The following ATXN8OS variants were observed in gnomAD, a reference collection of about 807,000 sequenced individuals.
ATXN8OS encodes the protein ATXN8 opposite strand lncRNA, also known as ATXN8 opposite strand (non-protein coding).
chr13:70,139,465 G>C, intron 3 of ATXN8OS: 1 of 670,804 alleles, frequency 1.5e-6, no homozygotes. Context: ...TTTACTATTT[G>C]ATGTTATAAT....
chr13:70,130,832 A>G, intron 3 of ATXN8OS: 1 of 398,602 alleles, frequency 2.5e-6, no homozygotes, highest in Non-Finnish European at 4.4e-6. Context: ...GGGAGAATGA[A>G]GAACAACTTG....
At chr13:70,128,198 C>G (rs1199627150) in intron 2 of ATXN8OS, among the ~76,000 whole-genome samples, 1 of 152,112 alleles carries the variant, frequency 6.6e-6, no homozygotes, top group Non-Finnish European at 1.5e-5. Context: ...AAAGTTGTTT[C>G]TTACATTACA....
intron 2 of ATXN8OS, among the ~76,000 whole-genome samples, chr13:70,122,800 T>C (rs1331623807): frequency 6.6e-6 from 1 of 151,944 alleles, no homozygotes; most frequent in African/African-American, 2.4e-5. Flanking sequence ...CATTTGATCT[T>C]GGTTAAATGA....
chr13:70,141,633 C>T (rs898772775), intron 3 of ATXN8OS, among the ~76,000 whole-genome samples: 5 of 151,640 alleles, frequency 3.3e-5, no homozygotes, highest in Non-Finnish European at 7.4e-5. Flanking sequence ...TATATATAAC[C>T]ATTTCACTCT....
rs961328742 is a variant in ATXN8OS, at chr13:70,155,372, C to A, written n.573+7944C>A. Among the ~76,000 whole-genome samples, 5 of 152,200 alleles carry A rather than the reference C, an allele frequency of 3.3e-5. No homozygotes were observed. In the South Asian group the frequency reaches 8.3e-4, roughly 25 times the overall value. ...ATAACCATAGATAGATTGCCCAATT[C>A]TCAATTTGGTCCATAAGAAACATAC... On this transcript the variant is annotated intron_variant and non_coding_transcript_variant, in intron 4 of 4. Coordinates refer to ENST00000678624, the Ensembl canonical transcript of ATXN8OS.
At chr13:70,115,517 C>T (rs186385321) in intron 2 of ATXN8OS, among the ~76,000 whole-genome samples, 51 of 151,534 alleles carry the variant, frequency 3.4e-4, no homozygotes, top group Non-Finnish European at 6.0e-4. Context: ...GGCTATATCT[C>T]TATAGAAACA....
At chr13:70,146,528 C>T (rs140551779) in intron 3 of ATXN8OS, among the ~76,000 whole-genome samples, 13,102 of 151,954 alleles carry the variant, frequency 0.086, 614 homozygotes, top group East Asian at 0.18. Flanking sequence ...TGTCCAACAA[C>T]GATAGACTGG....
intron 2 of ATXN8OS, among the ~76,000 whole-genome samples, chr13:70,118,456 A>AT (rs992868049): frequency 3.3e-5 from 5 of 151,970 alleles, no homozygotes; most frequent in Admixed American, 1.3e-4. Flanking sequence ...TCATTGTGGG[A>AT]TTTTTTGTAG....
At chr13:70,115,431 A>G in intron 2 of ATXN8OS, 1 of 395,122 alleles carries the variant, frequency 2.5e-6, no homozygotes, top group South Asian at 1.4e-4. Context: ...ATGTGAAGAA[A>G]TAAGTTCAGA....
chr13:70,169,177 G>A (rs1269503965), intron 4 of ATXN8OS, among the ~76,000 whole-genome samples: 1 of 152,098 alleles, frequency 6.6e-6, no homozygotes, highest in African/African-American at 2.4e-5. Flanking sequence ...AAAATCAACA[G>A]TTTTTGTACA....
At chr13:70,108,415 A>G in intron 1 of ATXN8OS, 1 of 157,234 alleles carries the variant, frequency 6.4e-6, no homozygotes, top group Non-Finnish European at 1.4e-5. Flanking sequence ...GGCAAAAGAA[A>G]AAGCCCGCCT....
intron 4 of ATXN8OS, among the ~76,000 whole-genome samples, chr13:70,163,321 C>A (rs1889032771): frequency 6.6e-6 from 1 of 152,008 alleles, no homozygotes; most frequent in South Asian, 2.1e-4. Flanking sequence ...AGATTCTAAC[C>A]ACATTGGCTG....
At chr13:70,132,915 A>T (rs1294830932) in intron 3 of ATXN8OS, among the ~76,000 whole-genome samples, 1 of 152,134 alleles carries the variant, frequency 6.6e-6, no homozygotes, top group African/African-American at 2.4e-5. Flanking sequence ...ATCTTTCCTA[A>T]ATGTGACTCT....
At chr13:70,131,308 C>T (rs1436485344) in intron 3 of ATXN8OS, 2 of 398,352 alleles carry the variant, frequency 5.0e-6, no homozygotes, top group African/African-American at 2.1e-5. Context: ...TAAAATGCTA[C>T]AGATGTCCCC....
At chr13:70,170,259 A>G (rs1889129749) in exon 5 of ATXN8OS, among the ~76,000 whole-genome samples, 1 of 152,120 alleles carries the variant, frequency 6.6e-6, no homozygotes. Context: ...TGAATTCGTA[A>G]CATATGAATG....
intron 4 of ATXN8OS, among the ~76,000 whole-genome samples, chr13:70,166,325 C>A (rs945250891): frequency 6.6e-6 from 1 of 151,944 alleles, no homozygotes; most frequent in Non-Finnish European, 1.5e-5. Context: ...GAGATATAGA[C>A]CAATGGAACA....
chr13:70,143,332 A>G (rs999172835), intron 3 of ATXN8OS, among the ~76,000 whole-genome samples: 1 of 152,000 alleles, frequency 6.6e-6, no homozygotes, highest in African/African-American at 2.4e-5. Flanking sequence ...ACCCAGAGGA[A>G]TTTACCTATT....
chr13:70,144,452 G>A (rs1888756042), intron 3 of ATXN8OS, among the ~76,000 whole-genome samples: 1 of 152,104 alleles, frequency 6.6e-6, no homozygotes, highest in South Asian at 2.1e-4. Context: ...GTTGCAAAGT[G>A]TCTATTCATT....
intron 2 of ATXN8OS, among the ~76,000 whole-genome samples, chr13:70,129,192 A>T (rs1375832396): frequency 6.6e-6 from 1 of 152,160 alleles, no homozygotes; most frequent in African/African-American, 2.4e-5. Context: ...TGTTCAGTTC[A>T]TTATGTTTAG....
Sources: allele counts gnomAD v4.1 joint callset (sites outside exome capture counted in the v4.1 genomes callset), GRCh38; gene constraint gnomAD v4.1.1; transcripts MANE v1.5; gene names NCBI Gene and HGNC (gene_info 2026-07-23, HGNC 2026-07-21).